Variants in TANC2 observed in about 807,000 individuals in gnomAD.
The protein encoded by TANC2 is tetratricopeptide repeat, ankyrin repeat and coiled-coil containing 2.
A neutral mutation model predicts 210.5 loss-of-function variants in TANC2; 26 were observed. That is an observed-to-expected ratio of 0.12 (90% CI 0.09 to 0.17). TANC2 has a LOEUF of 0.17. Among genes scored for constraint, TANC2 ranks in the 10% least tolerant of loss-of-function variants. TANC2 has a pLI of 1.00. For synonymous variants in TANC2, 931 were observed against 967.1 expected, an observed-to-expected ratio of 0.96 and a Z score of 0.69; for missense variants, 2,129 against 2,608.9, an observed-to-expected ratio of 0.82 and a Z score of 4.01.
At chr17:62,988,863 A>G (rs1212957972) in intron 1 of TANC2, among the ~76,000 whole-genome samples, 2 of 152,352 alleles carry the variant, frequency 1.3e-5, no homozygotes, top group African/African-American at 4.8e-5. Flanking sequence ...GGAACTGAGC[A>G]TTAGACACCA....
chr17:63,076,506 G>GCT (rs1284549528), intron 3 of TANC2, among the ~76,000 whole-genome samples: 7 of 152,148 alleles, frequency 4.6e-5, no homozygotes, highest in Non-Finnish European at 4.4e-5. Flanking sequence ...AGGCCAGTTA[G>GCT]CTCACTCCAT....
exon 22 of TANC2, chr17:63,411,684 G>A (rs1005400347): frequency 6.2e-7 from 1 of 1,610,758 alleles, no homozygotes; most frequent in Non-Finnish European, 8.5e-7. Flanking sequence ...CGATGCTGAG[G>A]TGGTAAGTAC....
Position 63,350,871 on chromosome 17 carries a change from A to T in TANC2, c.1808-379A>T, listed in dbSNP as rs567729976. ...ATACTATTCTCTTTAATGCTGTCAGATAGGGAAAAAAAAAAAAAAAAAACA... is the reference window on the plus strand; with the variant it reads ...ATACTATTCTCTTTAATGCTGTCAGTTAGGGAAAAAAAAAAAAAAAAAACA... On this transcript the variant is annotated intron_variant, in intron 12 of 27. Coordinates refer to ENST00000689528, the Ensembl canonical transcript of TANC2. 4.4e-5 allele frequency among the ~76,000 whole-genome samples: 5 copies of T among 114,060 alleles called. No homozygotes were observed. In the East Asian group the frequency reaches 1.0e-3, roughly 24 times the overall value. The allele number at this position is 114,060 out of a possible 152,430, so 74.8% of individuals were successfully genotyped here. A position where few individuals can be genotyped will look rare whatever the true frequency, so the allele number is the denominator to read the frequency against.
chr17:62,984,208 G>A (rs2032451792), intron 1 of TANC2, among the ~76,000 whole-genome samples: 1 of 151,960 alleles, frequency 6.6e-6, no homozygotes, highest in African/African-American at 2.4e-5. Flanking sequence ...GGTCTTGTTA[G>A]CTTGTATGTC....
chr17:63,285,078 T>G (rs183216392), intron 9 of TANC2, among the ~76,000 whole-genome samples: 8 of 152,294 alleles, frequency 5.3e-5, no homozygotes, highest in Admixed American at 4.6e-4. Context: ...CATATATTAG[T>G]TATCTTTGTC....
Position 63,420,233 on chromosome 17 carries a change from A to G in TANC2, c.4503A>G (p.Glu1501=). 6.2e-7 allele frequency: 1 copy of G among 1,613,030 alleles called. No homozygotes were observed. ...ATATATTCGAGGAGGAGTACCTGGA[A>G]CAGGATGTTGAAAATGTTTCCATTG... The change falls in exon 28 of 28, where the codon GAA becomes GAG. Residue 1501 remains glutamate (E), a synonymous_variant. Transcript: ENST00000689528. The surrounding 1 kb of genome is among the most constrained non-coding windows in gnomAD (Gnocchi z 4.2).
intron 5 of TANC2, among the ~76,000 whole-genome samples, chr17:63,192,477 G>A (rs2447455): frequency 0.6 from 90,967 of 152,064 alleles, 29,708 homozygotes; most frequent in African/African-American, 0.86. Context: ...AGATTAACAT[G>A]CTATGAGCAA....
chr17:63,261,423 G>C (rs1409794382), intron 8 of TANC2, among the ~76,000 whole-genome samples: 3 of 152,140 alleles, frequency 2.0e-5, no homozygotes, highest in Non-Finnish European at 4.4e-5. Flanking sequence ...TCACAAAGCT[G>C]ACACTTACAT....
intron 26 of TANC2, among the ~76,000 whole-genome samples, chr17:63,416,832 C>T (rs984849490): frequency 6.6e-6 from 1 of 152,160 alleles, no homozygotes; most frequent in African/African-American, 2.4e-5. Context: ...CCCCCAACCC[C>T]GGGAAGGGAG....
At chr17:63,273,038 A>T (rs1198352121) in intron 9 of TANC2, among the ~76,000 whole-genome samples, 1 of 152,146 alleles carries the variant, frequency 6.6e-6, no homozygotes, top group Non-Finnish European at 1.5e-5. Flanking sequence ...CCAGCACCTT[A>T]GAAGGCCAAG....
intron 1 of TANC2, among the ~76,000 whole-genome samples, chr17:62,975,925 T>A (rs1257715359): frequency 6.6e-6 from 1 of 152,190 alleles, no homozygotes. Context: ...CTCCTCCCAA[T>A]TTTTTACTGG....
intron 8 of TANC2, among the ~76,000 whole-genome samples, chr17:63,248,540 CT>C (rs2042976299): frequency 6.6e-6 from 1 of 152,012 alleles, no homozygotes; most frequent in Non-Finnish European, 1.5e-5. Context: ...ATTTGAGTAA[CT>C]TTTAAAAACC....
chr17:62,969,487 A>G (rs1352060849), intron 1 of TANC2, among the ~76,000 whole-genome samples: 3 of 152,230 alleles, frequency 2.0e-5, no homozygotes, highest in Non-Finnish European at 4.4e-5. Flanking sequence ...GACAACTCAC[A>G]TAGATGTTAA....
intron 2 of TANC2, among the ~76,000 whole-genome samples, chr17:63,063,125 GT>G (rs1206853620): frequency 6.6e-6 from 1 of 152,158 alleles, no homozygotes; most frequent in Non-Finnish European, 1.5e-5. Context: ...ATGTTTAGCT[GT>G]TTATTATAAA....
chr17:63,127,154 G>A (rs2038741146), intron 4 of TANC2, among the ~76,000 whole-genome samples: 1 of 152,048 alleles, frequency 6.6e-6, no homozygotes, highest in Admixed American at 6.6e-5. Context: ...TGTTCAATAA[G>A]GAATTCTTCT....
At chr17:63,150,511 G>T (rs904821649) in intron 4 of TANC2, 4 of 152,064 alleles carry the variant, frequency 2.6e-5, no homozygotes, top group African/African-American at 9.7e-5. Context: ...TTCCTTACAA[G>T]AATGAATGGA....
At chr17:63,018,137 AAG>A (rs2034189051) in intron 2 of TANC2, among the ~76,000 whole-genome samples, 1 of 152,134 alleles carries the variant, frequency 6.6e-6, no homozygotes, top group Admixed American at 6.5e-5. Flanking sequence ...ATGAAAAAAA[AAG>A]AGCAGTTATT....
intron 5 of TANC2, among the ~76,000 whole-genome samples, chr17:63,165,384 G>A (rs2040178447): frequency 6.6e-6 from 1 of 152,180 alleles, no homozygotes; most frequent in South Asian, 2.1e-4. Flanking sequence ...CGGCGTATTT[G>A]ATATGTGCCA....
chr17:63,098,484 ACTCTCTCTCT>A lies in TANC2; in HGVS notation c.140-674_140-665del, dbSNP rs1175349288. On this transcript the variant is annotated intron_variant, in intron 3 of 27. Transcript: ENST00000689528. ...CACACACACACACACACACACATACACTCTCTCTCTCTCTCTCTCTCTCTCTGTGTGTATA... is the reference window on the plus strand; with the variant it reads ...CACACACACACACACACACACATACACTCTCTCTCTCTCTCTGTGTGTATA... Among the ~76,000 whole-genome samples the A allele has an allele frequency of 1.9e-3, 134 of 72,290 alleles. 3 individuals carry two copies. The highest frequency in any genetic ancestry group is 3.4e-3 in the Non-Finnish European group (120 of 35,784). The allele number at this position is 72,290 out of a possible 152,430, so 47.4% of individuals were successfully genotyped here. A position where few individuals can be genotyped will look rare whatever the true frequency, so the allele number is the denominator to read the frequency against.
Sources: allele counts gnomAD v4.1 joint callset (sites outside exome capture counted in the v4.1 genomes callset), GRCh38; gene constraint gnomAD v4.1.1; non-coding constraint Gnocchi (gnomAD v3.1); transcripts MANE v1.5; gene names NCBI Gene and HGNC (gene_info 2026-07-23, HGNC 2026-07-21).